The following GRID2 variants were observed in gnomAD, a reference collection of about 807,000 sequenced individuals.
The protein encoded by GRID2 is glutamate ionotropic receptor delta type subunit 2, also known as glutamate receptor ionotropic, delta-2.
Under a neutral mutation model 114.8 loss-of-function variants are expected in GRID2, and 33 were observed. That is an observed-to-expected ratio of 0.29 (90% CI 0.22 to 0.38). The LOEUF is 0.38. Ranked by LOEUF, GRID2 falls within the 10% of genes least tolerant of loss-of-function variation. The pLI is 1.00. For missense variants in GRID2, 1,184 were observed against 1,257.7 expected (o/e 0.94, Z 0.89); for synonymous variants, 505 against 449.9 (o/e 1.12, Z -1.55).
chr4:92,761,078 G>T (rs1233964922), intron 2 of GRID2, among the ~76,000 whole-genome samples: 1 of 151,610 alleles, frequency 6.6e-6, no homozygotes, highest in Non-Finnish European at 1.5e-5. Flanking sequence ...TTGTATCCTG[G>T]ATCAATTGTT....
At chr4:93,513,050 C>T (rs1454119353) in intron 12 of GRID2, among the ~76,000 whole-genome samples, 1 of 152,132 alleles carries the variant, frequency 6.6e-6, no homozygotes, top group Non-Finnish European at 1.5e-5. Context: ...TTAAAACCTT[C>T]TGATCATTAT....
At chr4:92,452,990 CTATG>C (rs1721018896) in intron 1 of GRID2, among the ~76,000 whole-genome samples, 2 of 150,290 alleles carry the variant, frequency 1.3e-5, no homozygotes, top group Admixed American at 6.7e-5. Flanking sequence ...ATTTGTTAGT[CTATG>C]TATCCATGTA....
chr4:92,755,025 A>G (rs2149341502), intron 2 of GRID2, among the ~76,000 whole-genome samples: 1 of 152,218 alleles, frequency 6.6e-6, no homozygotes, highest in Non-Finnish European at 1.5e-5. Flanking sequence ...TGCAACTGCA[A>G]TTCCCCTACA....
chr4:93,528,495 A>G (rs1486942681), intron 13 of GRID2, among the ~76,000 whole-genome samples: 3 of 151,910 alleles, frequency 2.0e-5, no homozygotes, highest in African/African-American at 4.8e-5. Context: ...TGGGATAGAA[A>G]TCATGTAAAT....
At chr4:92,965,463 A>C (rs1005872548) in intron 2 of GRID2, among the ~76,000 whole-genome samples, 1 of 35,784 alleles carries the variant, frequency 2.8e-5, no homozygotes, top group Admixed American at 4.5e-4. Context: ...AAAAAAAAAA[A>C]AAAAAAAAAA....
At chr4:92,757,763 T>C (rs1737799545) in intron 2 of GRID2, among the ~76,000 whole-genome samples, 3 of 151,926 alleles carry the variant, frequency 2.0e-5, no homozygotes, top group South Asian at 2.1e-4. Context: ...GAAAAGCAGA[T>C]GTTTTCTATA....
At chr4:92,873,287 C>A (rs536164962) in intron 2 of GRID2, among the ~76,000 whole-genome samples, 2 of 152,072 alleles carry the variant, frequency 1.3e-5, no homozygotes, top group African/African-American at 4.8e-5. Flanking sequence ...TAGAATAGAT[C>A]TTATTACTTT....
At chr4:92,873,925 G>A (rs1328760722) in intron 2 of GRID2, among the ~76,000 whole-genome samples, 1 of 152,080 alleles carries the variant, frequency 6.6e-6, no homozygotes, top group Non-Finnish European at 1.5e-5. Context: ...TGCTGGTCAG[G>A]CTGGTCTCGA....
At chr4:92,848,932 G>T (rs1743550427) in intron 2 of GRID2, among the ~76,000 whole-genome samples, 2 of 151,806 alleles carry the variant, frequency 1.3e-5, no homozygotes, top group African/African-American at 2.4e-5. Context: ...GGTCTTAGAA[G>T]TAACTAAACT....
intron 2 of GRID2, among the ~76,000 whole-genome samples, chr4:92,943,705 T>C (rs1222144204): frequency 1.3e-5 from 2 of 152,154 alleles, no homozygotes; most frequent in Non-Finnish European, 2.9e-5. Flanking sequence ...CCCATCTTTG[T>C]GGTTTTGTCT....
chr4:93,178,160 C>G lies in GRID2; in HGVS notation c.736-29244C>G, dbSNP rs184301924. On this transcript the variant is annotated intron_variant, in intron 4 of 15. Coordinates refer to ENST00000282020, the MANE Select transcript of GRID2 (RefSeq NM_001510.4). The stretch of plus-strand genomic sequence containing the variant: ...GGCTTCTATTATAGATTCTCCCTTA[C>G]TAATCATCCTTAAAGTGAAAGCTAC... Among the ~76,000 whole-genome samples, 175 of 151,182 alleles carry G rather than the reference C, an allele frequency of 1.2e-3. 1 individual carries two copies. The highest frequency in any genetic ancestry group is 1.5e-3 in the Admixed American group (23 of 15,148).
chr4:92,828,369 GT>G, intron 2 of GRID2, among the ~76,000 whole-genome samples: 1 of 152,166 alleles, frequency 6.6e-6, no homozygotes, highest in Admixed American at 6.6e-5. Flanking sequence ...TAAATTAATA[GT>G]TTTAATTGGA....
At chr4:93,075,878 C>A (rs889069331) in intron 2 of GRID2, among the ~76,000 whole-genome samples, 1 of 128,828 alleles carries the variant, frequency 7.8e-6, no homozygotes, top group African/African-American at 3.1e-5. Context: ...GTCGAAGTTA[C>A]CTCTCTTTTT....
At chr4:93,231,030 G>GA (rs907877223) in intron 7 of GRID2, among the ~76,000 whole-genome samples, 2 of 151,914 alleles carry the variant, frequency 1.3e-5, no homozygotes, top group East Asian at 1.9e-4. Context: ...AGCTGTTCTG[G>GA]AAAAAAGTAG....
chr4:92,583,589 T>A (rs1255314752), intron 1 of GRID2, among the ~76,000 whole-genome samples: 2 of 151,708 alleles, frequency 1.3e-5, no homozygotes, highest in Non-Finnish European at 2.9e-5. Flanking sequence ...GCTGAAACAT[T>A]TGTAATACAG....
intron 2 of GRID2, among the ~76,000 whole-genome samples, chr4:92,595,111 A>G (rs1728884652): frequency 6.6e-6 from 1 of 152,022 alleles, no homozygotes; most frequent in African/African-American, 2.4e-5. Context: ...AATTGCTCTT[A>G]TTAGAAAAAT....
At chr4:92,813,263 C>G (rs1387615345) in intron 2 of GRID2, among the ~76,000 whole-genome samples, 2 of 152,098 alleles carry the variant, frequency 1.3e-5, no homozygotes, top group Non-Finnish European at 2.9e-5. Flanking sequence ...TCTAACAATT[C>G]TGAAGGCTAG....
At chr4:93,580,528 G>C (rs1331143747) in intron 13 of GRID2, among the ~76,000 whole-genome samples, 1 of 152,196 alleles carries the variant, frequency 6.6e-6, no homozygotes, top group Non-Finnish European at 1.5e-5. Context: ...AAAGTTGACT[G>C]TTTTGTCATC....
intron 2 of GRID2, among the ~76,000 whole-genome samples, chr4:92,652,977 CATATAA>C (rs935582391): frequency 8.3e-6 from 1 of 120,914 alleles, no homozygotes. Context: ...TTTATAAATA[CATATAA>C]ATATATATAA....
Sources: allele counts gnomAD v4.1 joint callset (sites outside exome capture counted in the v4.1 genomes callset), GRCh38; gene constraint gnomAD v4.1.1; transcripts MANE v1.5; gene names NCBI Gene and HGNC (gene_info 2026-07-23, HGNC 2026-07-21).